Variants in CIRBP observed in about 807,000 individuals in gnomAD.
CIRBP encodes the protein cold inducible RNA binding protein, also known as cold-inducible RNA-binding protein.
Under a neutral mutation model 22.3 loss-of-function variants are expected in CIRBP, and 11 were observed. The ratio of observed to expected loss-of-function variants is 0.49; its 90% confidence interval spans 0.31 to 0.82. CIRBP has a LOEUF of 0.82. Among genes scored for constraint, CIRBP ranks in the 40% least tolerant of loss-of-function variants. CIRBP has a pLI of 0.05. For missense variants in CIRBP, 456 were observed against 402.7 expected, an observed-to-expected ratio of 1.13 and a Z score of -1.13; for synonymous variants, 216 against 158.8, an observed-to-expected ratio of 1.36 and a Z score of -2.71.
Position 1,270,926 on chromosome 19 carries a change from A to G in CIRBP, c.-6-2A>G. ...TGAGGATTTCATTGGTGTCTGCCAC[A>G]GGCCGCCATGGCATCAGATGAAGGC... On this transcript the variant is annotated splice_acceptor_variant, in intron 1 of 5. Coordinates refer to ENST00000587896, the MANE Select transcript of CIRBP (RefSeq NM_001300829.2). LOFTEE classifies it low-confidence loss of function (5UTR_SPLICE). The G allele has an allele frequency of 1.2e-6, 2 of 1,608,736 alleles. No homozygotes were observed. Among genetic ancestry groups the G allele is most frequent in the Non-Finnish European group, 1.7e-6 (2 of 1,175,120 alleles).
chr19:1,271,055 CCGCGGCCCTGG>C lies in CIRBP; in HGVS notation c.103+20_103+30del. ...TCTGAAGGTGAGGCTGCTGCTGGGC[CCGCGGCCCTGG>C]GCGGGGGGGCTTGTGCTCCTCCTAC... is the stretch of plus-strand genomic sequence containing the variant. On this transcript the variant is annotated intron_variant, in intron 2 of 5. Coordinates refer to ENST00000587896, the MANE Select transcript of CIRBP (RefSeq NM_001300829.2). 8 of 1,612,894 alleles carry C rather than the reference CCGCGGCCCTGG, an allele frequency of 5.0e-6. No individual in the cohort carries two copies. Among genetic ancestry groups the C allele is most frequent in the Non-Finnish European group, 6.8e-6 (8 of 1,179,030 alleles).
Position 1,274,520 on chromosome 19 carries a change from C to T in CIRBP, c.*2077C>T, listed in dbSNP as rs1292163454. 1.0e-5 allele frequency: 4 copies of T among 387,304 alleles called. No individual in the cohort carries two copies. The highest frequency in any genetic ancestry group is 4.5e-5 in the Admixed American group (1 of 22,268). The allele number at this position is 387,304 out of a possible 1,614,324, so 24.0% of individuals were successfully genotyped here. On this transcript the variant is annotated 3_prime_UTR_variant, in exon 6 of 6. Coordinates refer to ENST00000587896, the MANE Select transcript of CIRBP (RefSeq NM_001300829.2). The stretch of plus-strand genomic sequence containing the variant: ...CCTGGGCGTTTCAGTGAGTCCTGCT[C>T]TCCCGCACCTATGGCCCCATGGCGG...
At position 1,272,398 on chromosome 19, in the gene CIRBP, T is replaced by C. The variant is rs1444433029; in HGVS notation, c.849T>C (p.Pro283=). 1.3e-6 allele frequency: 2 copies of C among 1,585,660 alleles called. No homozygotes were observed. The highest frequency in any genetic ancestry group is 2.7e-5 in the African/African-American group (2 of 73,306). ...GVKLPLVASV[P]LHCACFLSSA... is the part of the protein sequence containing the mutation. ...AGCTGCCTCTTGTTGCTTCGGTGCC[T>C]TTACACTGTGCCTGCTTCTTGTCCT... Residue 283 remains proline, a synonymous_variant, in exon 6 of 6, where the codon CCT becomes CCC. Coordinates refer to ENST00000587896, the MANE Select transcript of CIRBP (RefSeq NM_001300829.2).
rs1305889471 is a variant in CIRBP at position 1,274,089 on chromosome 19, CTGGCCCACAT to C, written c.*1647_*1656del. The C allele has an allele frequency of 1.3e-5, 5 of 385,860 alleles. No individual in the cohort carries two copies. The highest frequency in any genetic ancestry group is 1.4e-4 in the South Asian group (1 of 6,904). The allele number at this position is 385,860 out of a possible 1,614,324, so 23.9% of individuals were successfully genotyped here. A position where few individuals can be genotyped will look rare whatever the true frequency, so the allele number is the denominator to read the frequency against. ...CATTAGTTTTTTTCTAGAGCCCACACTGGCCCACATAGCTCCATCCCATACGGGTAGCTGG... is the reference window on the plus strand; with the variant it reads ...CATTAGTTTTTTTCTAGAGCCCACACAGCTCCATCCCATACGGGTAGCTGG... On this transcript the variant is annotated 3_prime_UTR_variant, in exon 6 of 6. Transcript: ENST00000587896.
chr19:1,272,576 T>C lies in CIRBP; in HGVS notation c.*133T>C, dbSNP rs1258895174. On this transcript the variant is annotated 3_prime_UTR_variant, in exon 6 of 6. Transcript: ENST00000587896. The stretch of plus-strand genomic sequence containing the variant: ...TTCGTAGTCATTTCGGTTCTGATCT[T>C]GTCAAACCCAGCCTGACCGCTTCTG... The C allele has an allele frequency of 7.1e-6, 6 of 843,896 alleles. No homozygotes were observed. The highest frequency in any genetic ancestry group is 5.1e-5 in the East Asian group (2 of 39,454). The allele number at this position is 843,896 out of a possible 1,614,324, so 52.3% of individuals were successfully genotyped here.
At position 1,274,081 on chromosome 19, in the gene CIRBP, A is replaced by G. The variant is rs1329284630; in HGVS notation, c.*1638A>G. 2 of 383,072 alleles carry G rather than the reference A, an allele frequency of 5.2e-6. No homozygotes were observed. The highest frequency in any genetic ancestry group is 9.2e-6 in the Non-Finnish European group (2 of 216,700). The allele number at this position is 383,072 out of a possible 1,614,324, so 23.7% of individuals were successfully genotyped here. On this transcript the variant is annotated 3_prime_UTR_variant, in exon 6 of 6. Coordinates refer to ENST00000587896, the MANE Select transcript of CIRBP (RefSeq NM_001300829.2). The stretch of plus-strand genomic sequence containing the variant: ...GTTGCCGCCATTAGTTTTTTTCTAG[A>G]GCCCACACTGGCCCACATAGCTCCA...
intron 1 of CIRBP, chr19:1,270,720 C>T (rs1235801898): frequency 7.2e-6 from 4 of 555,912 alleles, no homozygotes; most frequent in East Asian, 3.1e-5. Context: ...CTGCAGTGAC[C>T]CCTGCACTCC....
At position 1,272,313 on chromosome 19, in the gene CIRBP, G is replaced by A; in HGVS notation, c.764G>A (p.Gly255Asp). The change falls in exon 6 of 6, where the codon GGC becomes GAC. Residue 255 changes from glycine to aspartate, a missense_variant. Around this residue, in one of 2 missense-constraint regions of CIRBP, gnomAD observed 426 missense variants for 339.6 expected, o/e 1.25. Transcript: ENST00000587896. ...TGTGGCCGCAGGCCAGCCTCCCTCG[G>A]CTGTGGGGGGTGGTTGCTCCCCGGC... ...CMCGRRPASL[G>D]CGGWLLPGRR... The A allele has an allele frequency of 6.2e-7, 1 of 1,613,760 alleles. No homozygotes were observed.
intron 1 of CIRBP, chr19:1,270,133 G>T (rs115787937): frequency 3.4e-4 from 177 of 516,280 alleles, no homozygotes; most frequent in African/African-American, 3.1e-3. Context: ...TATCACTTCC[G>T]GGGCCATCCC....
Position 1,272,728 on chromosome 19 carries a change from G to A in CIRBP, c.*285G>A, listed in dbSNP as rs79832239. ...CGAGCCATGAGTTTTCAAAAAAATC[G>A]GGGGTTGTGTGGGTTTTTGGTTTTT... is the stretch of plus-strand genomic sequence containing the variant. On this transcript the variant is annotated 3_prime_UTR_variant, in exon 6 of 6. Coordinates refer to ENST00000587896, the MANE Select transcript of CIRBP (RefSeq NM_001300829.2). 405 of 311,486 alleles carry A rather than the reference G, an allele frequency of 1.3e-3. 5 individuals carry two copies. In the East Asian group the frequency reaches 0.021, roughly 16 times the overall value. The allele number at this position is 311,486 out of a possible 1,614,324, so 19.3% of individuals were successfully genotyped here. A position where few individuals can be genotyped will look rare whatever the true frequency, so the allele number is the denominator to read the frequency against.
intron 1 of CIRBP, among the ~76,000 whole-genome samples, chr19:1,270,469 AT>A (rs924596354): frequency 1.2e-4 from 19 of 152,082 alleles, no homozygotes; most frequent in Non-Finnish European, 2.8e-4. Context: ...AATTATTTGA[AT>A]TAAGAAGTCC....
chr19:1,274,601 C>CT lies in CIRBP; in HGVS notation c.*2158_*2159insT, dbSNP rs1209604481. The CT allele has an allele frequency of 3.1e-6, 1 of 323,632 alleles. No homozygotes were observed. Among genetic ancestry groups the CT allele is most frequent in the African/African-American group, 2.1e-5 (1 of 46,812 alleles). 20.0% of individuals were successfully genotyped at this position (323,632 alleles called of 1,614,324 possible). ...AGCGCCTCCCGGGAGCGCCGGGTCC[C>CT]CCGCCTGGAGCCCGCGCCTGTTCTC... On this transcript the variant is annotated 3_prime_UTR_variant, in exon 6 of 6. Coordinates refer to ENST00000587896, the MANE Select transcript of CIRBP (RefSeq NM_001300829.2).
intron 1 of CIRBP, 29 bp from the exon 2 acceptor site, chr19:1,270,899 G>A (rs778313064): frequency 6.8e-7 from 1 of 1,474,398 alleles, no homozygotes; most frequent in South Asian, 1.1e-5. Context: ...GATGACCCCT[G>A]TTGAGGATTT....
At position 1,274,041 on chromosome 19, in the gene CIRBP, C is replaced by T; in HGVS notation, c.*1598C>T. ...TCTTTAAGTCACACTCTTAACTTAG[C>T]TTTCTCTGATGTCTGTTGCCGCCAT... On this transcript the variant is annotated 3_prime_UTR_variant, in exon 6 of 6. Coordinates refer to ENST00000587896, the MANE Select transcript of CIRBP (RefSeq NM_001300829.2). 2.9e-6 allele frequency: 1 copy of T among 339,702 alleles called. No individual in the cohort carries two copies. Among genetic ancestry groups the T allele is most frequent in the East Asian group, 4.3e-5 (1 of 23,218 alleles). The allele number at this position is 339,702 out of a possible 1,614,324, so 21.0% of individuals were successfully genotyped here.
chr19:1,274,023 G>A lies in CIRBP; in HGVS notation c.*1580G>A, dbSNP rs1456737110. 5 of 307,728 alleles carry A rather than the reference G, an allele frequency of 1.6e-5. No homozygotes were observed. Among genetic ancestry groups the A allele is most frequent in the South Asian group, 1.6e-4 (1 of 6,148 alleles). 19.1% of individuals were successfully genotyped at this position (307,728 alleles called of 1,614,324 possible). ...GACCGTCTTTTCCAGACCTCTTTAAGTCACACTCTTAACTTAGCTTTCTCT... is the reference window on the plus strand; with the variant it reads ...GACCGTCTTTTCCAGACCTCTTTAAATCACACTCTTAACTTAGCTTTCTCT... On this transcript the variant is annotated 3_prime_UTR_variant, in exon 6 of 6. Coordinates refer to ENST00000587896, the MANE Select transcript of CIRBP (RefSeq NM_001300829.2).
chr19:1,270,153 C>G (rs1421289671), intron 1 of CIRBP: 1 of 512,488 alleles, frequency 2.0e-6, no homozygotes, highest in Non-Finnish European at 3.9e-6. Context: ...CTTCCCGATT[C>G]CCGGCCTAGG....
In CIRBP at chr19:1,274,637, T is replaced by TC. The variant is rs2081393069; in HGVS notation, c.*2196dup. 1.2e-5 allele frequency: 3 copies of TC among 250,166 alleles called. No individual in the cohort carries two copies. The East Asian group carries it at 2.1e-4, about 17-fold the overall frequency. The allele number at this position is 250,166 out of a possible 1,614,324, so 15.5% of individuals were successfully genotyped here. A position where few individuals can be genotyped will look rare whatever the true frequency, so the allele number is the denominator to read the frequency against. ...CCCGCGCCTGTTCTCCCTCCCTTCC[T>TC]CCTCCTTCCAGGAGGCGCTTCGCCA... On this transcript the variant is annotated 3_prime_UTR_variant, in exon 6 of 6. Transcript: ENST00000587896.
chr19:1,272,077 G>C lies in CIRBP; in HGVS notation c.528G>C (p.Thr176=). The C allele has an allele frequency of 1.9e-6, 3 of 1,614,024 alleles. 1 individual carries two copies. The highest frequency in any genetic ancestry group is 2.5e-6 in the Non-Finnish European group (3 of 1,179,982). The change falls in exon 6 of 6, where the codon ACG becomes ACC. Residue 176 remains threonine, a synonymous_variant. Coordinates refer to ENST00000587896, the MANE Select transcript of CIRBP (RefSeq NM_001300829.2). ...SYGKSHSEGA[T]LLWPAVGARF... ...GTAAGTCACACTCCGAGGGCGCCACGCTGCTGTGGCCTGCGGTGGGAGCTC... is the reference window on the plus strand; with the variant it reads ...GTAAGTCACACTCCGAGGGCGCCACCCTGCTGTGGCCTGCGGTGGGAGCTC...
intron 1 of CIRBP, chr19:1,270,015 G>T (rs1481293513): frequency 1.9e-6 from 1 of 519,886 alleles, no homozygotes; most frequent in South Asian, 1.4e-5. Flanking sequence ...GAGCCACTGG[G>T]TGGCGGCCAT....
Sources: gnomAD v4.1 joint callset for allele counts (sites outside exome capture counted in the v4.1 genomes callset) on GRCh38, gnomAD v4.1.1 for gene constraint, gnomAD v4.1.1 regional missense constraint, MANE v1.5 for transcripts, NCBI Gene and HGNC (gene_info 2026-07-23, HGNC 2026-07-21) for gene names.